The following CABLES1 variants were observed in gnomAD, a reference collection of about 807,000 sequenced individuals.
CABLES1 encodes Cdk5 and Abl enzyme substrate 1.
A neutral mutation model predicts 57.8 loss-of-function variants in CABLES1; 36 were observed. That is an observed-to-expected ratio of 0.62 (90% CI 0.48 to 0.82). The LOEUF (loss-of-function observed/expected upper bound fraction) is 0.82. CABLES1 is among the 40% of genes least tolerant of loss of function. The pLI is 0.00. For synonymous variants in CABLES1, 374 were observed against 363.0 expected, an observed-to-expected ratio of 1.03 and a Z score of -0.35; for missense variants, 767 against 836.6, an observed-to-expected ratio of 0.92 and a Z score of 1.03.
intron 3 of CABLES1, among the ~76,000 whole-genome samples, chr18:23,200,016 C>T (rs1257466067): frequency 1.3e-5 from 2 of 152,152 alleles, no homozygotes; most frequent in Non-Finnish European, 2.9e-5. Flanking sequence ...CCAAGTAGAA[C>T]TGGAAGTGCA....
Position 23,135,652 on chromosome 18 carries a change from G to T in CABLES1, c.-111G>T. 4 of 926,128 alleles carry T rather than the reference G, an allele frequency of 4.3e-6. No homozygotes were observed. Among genetic ancestry groups the T allele is most frequent in the Non-Finnish European group, 5.1e-6 (4 of 778,786 alleles). 57.4% of individuals were successfully genotyped at this position (926,128 alleles called of 1,614,324 possible). A position where few individuals can be genotyped will look rare whatever the true frequency, so the allele number is the denominator to read the frequency against. Reference sequence around the variant, plus strand: ...GGCTGGACCGCCGCGCACGCCGCCCGATCCCCGCGCCCTACCCAGCCCGGG... The same window carrying T: ...GGCTGGACCGCCGCGCACGCCGCCCTATCCCCGCGCCCTACCCAGCCCGGG... On this transcript the variant is annotated 5_prime_UTR_variant, in exon 1 of 10. Coordinates refer to ENST00000256925, the MANE Select transcript of CABLES1 (RefSeq NM_001100619.3).
At chr18:23,140,908 T>A (rs919640777) in intron 1 of CABLES1, among the ~76,000 whole-genome samples, 3 of 152,296 alleles carry the variant, frequency 2.0e-5, no homozygotes, top group South Asian at 2.1e-4. Context: ...TGGGTCTGTT[T>A]CCTCCTGAGA....
chr18:23,174,838 ATATATATATATATATATATATATG>A (rs1314136888), intron 1 of CABLES1, among the ~76,000 whole-genome samples: 2 of 135,712 alleles, frequency 1.5e-5, no homozygotes, highest in Non-Finnish European at 3.1e-5. Context: ...ATATATATAT[ATATATATATATATATATATATATG>A]TTTTTTAAAC....
At chr18:23,178,269 G>A (rs867452064) in intron 1 of CABLES1, among the ~76,000 whole-genome samples, 4 of 151,772 alleles carry the variant, frequency 2.6e-5, no homozygotes, top group East Asian at 3.9e-4. Context: ...ACCCTTCTGC[G>A]TATTCCATTG....
Position 23,242,393 on chromosome 18 carries a change from C to T in CABLES1, c.1446+5148C>T, listed in dbSNP as rs561065295. Among the ~76,000 whole-genome samples the T allele has an allele frequency of 3.3e-5, 5 of 152,308 alleles. No homozygotes were observed. The South Asian group carries it at 1.0e-3, about 32-fold the overall frequency. ...CAGAGAATGTTGAGCCACCTGGCTACGTGCAGACTCTTGCTGGGTGATGGT... is the reference window on the plus strand; with the variant it reads ...CAGAGAATGTTGAGCCACCTGGCTATGTGCAGACTCTTGCTGGGTGATGGT... On this transcript the variant is annotated intron_variant, in intron 7 of 9. Transcript: ENST00000256925.
chr18:23,227,531 G>A (rs1003558792), intron 4 of CABLES1, among the ~76,000 whole-genome samples: 3 of 152,174 alleles, frequency 2.0e-5, no homozygotes, highest in African/African-American at 7.2e-5. Context: ...GGGACTTCTA[G>A]ACTAAAAGCT....
intron 1 of CABLES1, among the ~76,000 whole-genome samples, chr18:23,157,180 G>C (rs2046971518): frequency 6.6e-6 from 1 of 152,074 alleles, no homozygotes; most frequent in Admixed American, 6.5e-5. Flanking sequence ...ACTTGAGCGT[G>C]GGAGTTGGAG....
Position 23,138,637 on chromosome 18 carries a change from A to G in CABLES1, c.845+2030A>G, listed in dbSNP as rs139015700. 4.7e-3 allele frequency among the ~76,000 whole-genome samples: 714 copies of G among 152,348 alleles called. 4 individuals carry two copies. The highest frequency in any genetic ancestry group is 0.012 in the South Asian group (58 of 4,830). ...ACACCACGCCGCTTGTCTTATCACT[A>G]GAGTACTTGCACCTGCCTAGTTGAA... On this transcript the variant is annotated intron_variant, in intron 1 of 9. Transcript: ENST00000256925.
intron 7 of CABLES1, among the ~76,000 whole-genome samples, chr18:23,246,623 C>G (rs1261157706): frequency 6.6e-6 from 1 of 151,674 alleles, no homozygotes; most frequent in Non-Finnish European, 1.5e-5. Flanking sequence ...GATCTCCTGA[C>G]CTTGTGATCC....
chr18:23,227,190 A>G (rs1179605726), intron 4 of CABLES1, among the ~76,000 whole-genome samples: 1 of 152,020 alleles, frequency 6.6e-6, no homozygotes, highest in Admixed American at 6.5e-5. Context: ...AGCGTCTTCT[A>G]TTCTTAGAGC....
At chr18:23,212,523 T>G (rs2047412324) in intron 3 of CABLES1, among the ~76,000 whole-genome samples, 1 of 152,186 alleles carries the variant, frequency 6.6e-6, no homozygotes, top group Admixed American at 6.5e-5. Context: ...AAGCCGAAAG[T>G]GGCTTTTGAT....
chr18:23,193,027 C>T (rs79990960), intron 2 of CABLES1, among the ~76,000 whole-genome samples: 2 of 152,042 alleles, frequency 1.3e-5, no homozygotes, highest in Non-Finnish European at 2.9e-5. Flanking sequence ...GGCGACAGAG[C>T]AAGGCCTTGT....
rs1349302125 is a variant in CABLES1 at position 23,150,946 on chromosome 18, G to A, written c.845+14339G>A. On this transcript the variant is annotated intron_variant, in intron 1 of 9. Transcript: ENST00000256925. ...GGGCTGACCTGAGAATCGGGCGGATGCCTCATAACGCTAAGAGCTCTCATT... is the reference window on the plus strand; with the variant it reads ...GGGCTGACCTGAGAATCGGGCGGATACCTCATAACGCTAAGAGCTCTCATT... 5.9e-5 allele frequency among the ~76,000 whole-genome samples: 9 copies of A among 152,080 alleles called. No individual in the cohort carries two copies. In the East Asian group the frequency reaches 1.7e-3, roughly 29 times the overall value.
chr18:23,231,230 A>G (rs987066376), intron 4 of CABLES1, among the ~76,000 whole-genome samples: 1 of 152,270 alleles, frequency 6.6e-6, no homozygotes, highest in African/African-American at 2.4e-5. Context: ...AAGTCCTGCC[A>G]AGGAAGCACT....
chr18:23,221,845 C>G (rs2047489814), intron 4 of CABLES1, among the ~76,000 whole-genome samples: 1 of 152,160 alleles, frequency 6.6e-6, no homozygotes, highest in African/African-American at 2.4e-5. Flanking sequence ...CTGCCTGTCC[C>G]CAAACTGAAC....
chr18:23,136,669 C>A, intron 1 of CABLES1, 62 bp downstream of exon 1: 1 of 1,123,380 alleles, frequency 8.9e-7, no homozygotes, highest in South Asian at 2.3e-5. Context: ...CCCAGCCTCC[C>A]CGCGGTCTCT....
intron 3 of CABLES1, among the ~76,000 whole-genome samples, chr18:23,203,732 C>T (rs556195443): frequency 1.3e-5 from 2 of 152,302 alleles, no homozygotes; most frequent in East Asian, 1.9e-4. Flanking sequence ...TTACCAGCCC[C>T]GGACTGGCCT....
chr18:23,253,974 G>T (rs1352407475), intron 9 of CABLES1, 38 bp downstream of exon 9: 1 of 1,568,606 alleles, frequency 6.4e-7, no homozygotes, highest in Non-Finnish European at 8.8e-7. Flanking sequence ...AGGAGCACAT[G>T]CTCCGGTCCG....
intron 1 of CABLES1, among the ~76,000 whole-genome samples, chr18:23,138,433 G>GA (rs1363897047): frequency 6.6e-6 from 1 of 152,120 alleles, no homozygotes; most frequent in Non-Finnish European, 1.5e-5. Flanking sequence ...TCCTATTTCT[G>GA]AATAATCCGT....
Sources: gnomAD v4.1 joint callset for allele counts (sites outside exome capture counted in the v4.1 genomes callset) on GRCh38, gnomAD v4.1.1 for gene constraint, MANE v1.5 for transcripts, NCBI Gene and HGNC (gene_info 2026-07-23, HGNC 2026-07-21) for gene names.